REDIC1: variants seen among roughly 807,000 people sequenced by gnomAD.
REDIC1 encodes the protein HEI10 Interacting Protein 1.
the REDIC1 span, among the ~76,000 whole-genome samples, chr12:39,722,994 T>C: frequency 3.4e-4 from 52 of 152,216 alleles, 1 homozygote; most frequent in South Asian, 9.5e-3. Context: ...GAAACTGAGA[T>C]TGGGTAGTCA....
chr12:39,886,563 A>G, the REDIC1 span, among the ~76,000 whole-genome samples: 1 of 151,968 alleles, frequency 6.6e-6, no homozygotes, highest in Non-Finnish European at 1.5e-5. Flanking sequence ...CATCTGGCTA[A>G]TTCTGAAAAA....
At chr12:39,738,576 G>A in the REDIC1 span, among the ~76,000 whole-genome samples, 1 of 152,190 alleles carries the variant, frequency 6.6e-6, no homozygotes, top group Non-Finnish European at 1.5e-5. Context: ...ACAGAAGGTG[G>A]AGTCTAATAG....
At chr12:39,758,301 T>A in the REDIC1 span, 11 of 151,936 alleles carry the variant, frequency 7.2e-5, no homozygotes, top group Non-Finnish European at 1.5e-4. Flanking sequence ...ACTTAGAGAA[T>A]GAACTTCCTC....
the REDIC1 span, among the ~76,000 whole-genome samples, chr12:39,691,247 A>C: frequency 6.6e-6 from 1 of 152,204 alleles, no homozygotes; most frequent in Admixed American, 6.5e-5. Context: ...CGGGAAATAC[A>C]GTCTAGCTGT....
chr12:39,790,021 T>A, the REDIC1 span, among the ~76,000 whole-genome samples: 8 of 152,030 alleles, frequency 5.3e-5, no homozygotes, highest in Non-Finnish European at 1.0e-4. Flanking sequence ...ACAGGTGAAG[T>A]TAATTTTAGT....
the REDIC1 span, among the ~76,000 whole-genome samples, chr12:39,627,044 T>C: frequency 6.6e-6 from 1 of 152,206 alleles, no homozygotes; most frequent in Non-Finnish European, 1.5e-5. Flanking sequence ...AAATTCTTGA[T>C]GAGAAGAATT....
At chr12:39,890,518 A>T in the REDIC1 span, among the ~76,000 whole-genome samples, 818 of 152,318 alleles carry the variant, frequency 5.4e-3, 6 homozygotes, top group African/African-American at 0.019. Context: ...TAAGCATGAG[A>T]GTCTTAATAG....
At chr12:39,796,965 T>C in the REDIC1 span, among the ~76,000 whole-genome samples, 5 of 152,222 alleles carry the variant, frequency 3.3e-5, no homozygotes, top group African/African-American at 4.8e-5. Flanking sequence ...CCAAATATCC[T>C]ATTAGAAAAA....
At chr12:39,738,534 G>T in the REDIC1 span, among the ~76,000 whole-genome samples, 1 of 152,130 alleles carries the variant, frequency 6.6e-6, no homozygotes, top group Non-Finnish European at 1.5e-5. Flanking sequence ...GTGATCAAAA[G>T]TTATGTTTGC....
At chr12:39,631,719 T>C in the REDIC1 span, among the ~76,000 whole-genome samples, 1 of 152,244 alleles carries the variant, frequency 6.6e-6, no homozygotes. Flanking sequence ...TCATTATCTG[T>C]AGAGAAAGTA....
the REDIC1 span, among the ~76,000 whole-genome samples, chr12:39,711,813 GTGTACACATGCATGTGTA>G: frequency 2.2e-5 from 2 of 89,370 alleles, no homozygotes; most frequent in Non-Finnish European, 5.2e-5. Flanking sequence ...ATGTGTATGT[GTGTACACATGCATGTGTA>G]TATGTGTGTA....
At chr12:39,797,514 A>G in the REDIC1 span, among the ~76,000 whole-genome samples, 8 of 152,356 alleles carry the variant, frequency 5.3e-5, no homozygotes, top group South Asian at 2.1e-4. Flanking sequence ...AGCTAATCCA[A>G]TAACCCATCT....
At chr12:39,758,432 C>G in the REDIC1 span, 1 of 151,826 alleles carries the variant, frequency 6.6e-6, no homozygotes, top group Non-Finnish European at 1.5e-5. Context: ...TCTCCAAATA[C>G]AGTACCTTAT....
the REDIC1 span, among the ~76,000 whole-genome samples, chr12:39,638,151 G>A: frequency 6.6e-6 from 1 of 151,994 alleles, no homozygotes; most frequent in African/African-American, 2.4e-5. Context: ...TTGTTTCCCA[G>A]TCTGTTTTGC....
the REDIC1 span, among the ~76,000 whole-genome samples, chr12:39,748,801 C>G: frequency 6.6e-6 from 1 of 152,090 alleles, no homozygotes; most frequent in Non-Finnish European, 1.5e-5. Context: ...AAACTGAACA[C>G]CCTGCTCCTG....
chr12:39,659,973 C>G, the REDIC1 span, among the ~76,000 whole-genome samples: 24 of 152,082 alleles, frequency 1.6e-4, no homozygotes, highest in Admixed American at 1.6e-3. Flanking sequence ...GACCAATAAG[C>G]CTTCAGTTTG....
At chr12:39,769,126 G>A in the REDIC1 span, among the ~76,000 whole-genome samples, 8 of 152,018 alleles carry the variant, frequency 5.3e-5, no homozygotes, top group Admixed American at 5.2e-4. Flanking sequence ...TTTTATCTCA[G>A]TTGGTTCCCT....
chr12:39,806,916 C>G, the REDIC1 span, among the ~76,000 whole-genome samples: 1 of 152,080 alleles, frequency 6.6e-6, no homozygotes, highest in Non-Finnish European at 1.5e-5. Context: ...TCAACTGACA[C>G]ATACAACATG....
the REDIC1 span, among the ~76,000 whole-genome samples, chr12:39,847,350 A>G: frequency 6.6e-6 from 1 of 151,826 alleles, no homozygotes; most frequent in Non-Finnish European, 1.5e-5. Context: ...TTGTGGCTCC[A>G]CCTCCCTCCT....
Sources: allele counts gnomAD v4.1 joint callset (sites outside exome capture counted in the v4.1 genomes callset), GRCh38; gene constraint gnomAD v4.1.1; transcripts MANE v1.5; gene names NCBI Gene and HGNC (gene_info 2026-07-23, HGNC 2026-07-21).